The following R3HDM1 variants were observed in gnomAD, a reference collection of about 807,000 sequenced individuals.
The protein encoded by R3HDM1 is R3H domain containing 1, also known as R3H domain-containing protein 1.
R3HDM1 carries 46 observed loss-of-function variants against 141.1 expected under a neutral mutation model. The ratio of observed to expected loss-of-function variants is 0.33; its 90% CI spans 0.26 to 0.42. R3HDM1 has a LOEUF of 0.42. Ranked by LOEUF, R3HDM1 falls within the 10% of genes least tolerant of loss-of-function variation. R3HDM1 has a pLI of 1.00. For synonymous variants in R3HDM1, 435 were observed against 472.9 expected (o/e 0.92, Z 1.04); for missense variants, 1,184 against 1,368.3 (o/e 0.87, Z 2.12).
At chr2:135,659,828 A>G (rs766140606) in intron 18 of R3HDM1, among the ~76,000 whole-genome samples, 21 of 152,238 alleles carry the variant, frequency 1.4e-4, no homozygotes, top group Non-Finnish European at 2.8e-4. Flanking sequence ...AGTCTTATTT[A>G]TATACTGTCT....
intron 19 of R3HDM1, among the ~76,000 whole-genome samples, chr2:135,672,702 A>G (rs1475457036): frequency 6.6e-6 from 1 of 152,030 alleles, no homozygotes; most frequent in Non-Finnish European, 1.5e-5. Flanking sequence ...CAAATTTTCA[A>G]AATGTACGTG....
chr2:135,616,269 C>T, intron 4 of R3HDM1, 76 bp downstream of exon 4: 3 of 1,378,784 alleles, frequency 2.2e-6, no homozygotes, highest in Admixed American at 1.8e-5. Context: ...TTTCATATAG[C>T]ACTACATTCA....
At chr2:135,554,914 A>T (rs544374266) in intron 1 of R3HDM1, among the ~76,000 whole-genome samples, 1 of 152,196 alleles carries the variant, frequency 6.6e-6, no homozygotes, top group African/African-American at 2.4e-5. Flanking sequence ...AAACTACTAC[A>T]TAAGTGGTCC....
chr2:135,609,823 G>T (rs564493380), intron 3 of R3HDM1, among the ~76,000 whole-genome samples: 1 of 152,036 alleles, frequency 6.6e-6, no homozygotes, highest in Non-Finnish European at 1.5e-5. Flanking sequence ...CAAGCGGATC[G>T]CTTGAGCTCG....
chr2:135,626,049 G>C (rs192961720), intron 7 of R3HDM1, among the ~76,000 whole-genome samples: 4 of 152,286 alleles, frequency 2.6e-5, no homozygotes, highest in African/African-American at 9.6e-5. Flanking sequence ...CCTAGACTTG[G>C]AACTGGTGTC....
intron 24 of R3HDM1, among the ~76,000 whole-genome samples, chr2:135,718,613 A>G (rs1043816411): frequency 2.0e-5 from 3 of 152,064 alleles, no homozygotes; most frequent in Admixed American, 6.6e-5. Flanking sequence ...CCTCCTGAGT[A>G]ACTGGGCTTA....
chr2:135,672,065 G>A (rs1368036836), intron 19 of R3HDM1, among the ~76,000 whole-genome samples: 1 of 151,518 alleles, frequency 6.6e-6, no homozygotes, highest in Admixed American at 6.6e-5. Context: ...TGTGGCATAA[G>A]AGAATGGACA....
intron 1 of R3HDM1, among the ~76,000 whole-genome samples, chr2:135,540,739 G>A (rs551106921): frequency 6.6e-5 from 10 of 152,248 alleles, no homozygotes; most frequent in Admixed American, 3.3e-4. Context: ...GGCATCTAGC[G>A]TGATGAATCC....
At chr2:135,656,436 T>C (rs2065901277) in intron 18 of R3HDM1, 1 of 152,158 alleles carries the variant, frequency 6.6e-6, no homozygotes, top group African/African-American at 2.4e-5. Context: ...TGTATTTTAT[T>C]CTACTTTCCT....
rs772919666 is a variant in R3HDM1 at position 135,715,657 on chromosome 2, C to T, written c.2844C>T (p.Ile948=). 1 of 1,613,874 alleles carries T rather than the reference C, an allele frequency of 6.2e-7. No homozygotes were observed. The stretch of plus-strand genomic sequence containing the variant: ...GTCCCTCTGGACCACCACTTTCCAT[C>T]ATGCCCCAATTTTCTAGACCTTTTG... ...TVRPSGPPLS[I]MPQFSRPFVP... Residue 948 remains isoleucine (I), a synonymous_variant, in exon 24 of 27, where the codon ATC becomes ATT. Transcript: ENST00000683871.
rs2064970196 is a variant in R3HDM1, at chr2:135,649,960, C to CGGA, written c.1682_1683insGGA (p.Pro561_Ser562insGlu). 7.7e-7 allele frequency: 1 copy of CGGA among 1,295,522 alleles called. No individual in the cohort carries two copies. 80.3% of individuals were successfully genotyped at this position (1,295,522 alleles called of 1,614,324 possible). ...GTTCAGTACTCTACAGCCCCTTACC[C>CGGA]ATCCCCGTTCCTGCCAGTCTCACCC... On this transcript the variant is annotated inframe_insertion, in exon 17 of 27. Coordinates refer to ENST00000683871, the MANE Select transcript of R3HDM1 (RefSeq NM_001378107.1).
chr2:135,688,069 A>G (rs2071667672), intron 21 of R3HDM1, among the ~76,000 whole-genome samples: 2 of 152,240 alleles, frequency 1.3e-5, no homozygotes, highest in African/African-American at 4.8e-5. Flanking sequence ...AGGCAAGCAC[A>G]TTCCCATCTG....
At chr2:135,685,738 C>T (rs1227014538) in intron 21 of R3HDM1, among the ~76,000 whole-genome samples, 1 of 152,064 alleles carries the variant, frequency 6.6e-6, no homozygotes, top group South Asian at 2.1e-4. Context: ...AAAACTCATG[C>T]CTTTAAATAT....
chr2:135,550,896 A>G (rs1699717081), intron 1 of R3HDM1, among the ~76,000 whole-genome samples: 1 of 152,212 alleles, frequency 6.6e-6, no homozygotes, highest in African/African-American at 2.4e-5. Flanking sequence ...CAGGCATACT[A>G]CAATTATACT....
At chr2:135,577,142 T>A (rs1418316611) in intron 1 of R3HDM1, 1 of 975,136 alleles carries the variant, frequency 1.0e-6, no homozygotes, top group East Asian at 1.1e-4. Context: ...ATTTAACCTT[T>A]GTGTATGAAA....
At chr2:135,691,403 C>T (rs1237262554) in intron 21 of R3HDM1, among the ~76,000 whole-genome samples, 2 of 152,102 alleles carry the variant, frequency 1.3e-5, no homozygotes, top group African/African-American at 2.4e-5. Flanking sequence ...CGCTTGAGCT[C>T]AGGAGTTCAA....
At chr2:135,646,635 G>C (rs1368717902) in intron 16 of R3HDM1, among the ~76,000 whole-genome samples, 1 of 151,280 alleles carries the variant, frequency 6.6e-6, no homozygotes, top group Non-Finnish European at 1.5e-5. Context: ...ATCACCTGAG[G>C]TCAGGAGTTC....
At chr2:135,551,224 C>T (rs1001570830) in intron 1 of R3HDM1, among the ~76,000 whole-genome samples, 1 of 152,180 alleles carries the variant, frequency 6.6e-6, no homozygotes, top group Admixed American at 6.5e-5. Context: ...GTAGGAGATG[C>T]AGGCAAACTG....
chr2:135,548,384 A>G (rs926035864), intron 1 of R3HDM1, among the ~76,000 whole-genome samples: 1 of 152,242 alleles, frequency 6.6e-6, no homozygotes, highest in African/African-American at 2.4e-5. Context: ...TTGGACATGC[A>G]TATGATTAAC....
Sources: allele counts gnomAD v4.1 joint callset (sites outside exome capture counted in the v4.1 genomes callset), GRCh38; gene constraint gnomAD v4.1.1; transcripts MANE v1.5; gene names NCBI Gene and HGNC (gene_info 2026-07-23, HGNC 2026-07-21).